OTOA: variants seen among roughly 807,000 people sequenced by gnomAD.
The protein encoded by OTOA is cancer/testis antigen 108.
In OTOA, 70 loss-of-function variants were observed where a neutral mutation model predicts 110.8. The observed-to-expected ratio is 0.63, with a 90% CI of 0.52 to 0.77. The LOEUF is 0.77. OTOA is among the 30% of genes least tolerant of loss of function. The probability of loss-of-function intolerance (pLI) is 0.00; values close to 1 mark genes in which losing one functional copy is unlikely to be tolerated. For synonymous variants in OTOA, 373 were observed against 431.5 expected (o/e 0.86, Z 1.68); for missense variants, 917 against 1,075.8 (o/e 0.85, Z 2.06).
chr16:21,706,230 CCTT>C (rs1227474370), intron 12 of OTOA, among the ~76,000 whole-genome samples: 6 of 152,214 alleles, frequency 3.9e-5, no homozygotes, highest in African/African-American at 1.4e-4. Flanking sequence ...TCTTCTTCCT[CCTT>C]CTTCCCTTGG....
In OTOA at chr16:21,685,242, A is replaced by G; in HGVS notation, c.280A>G (p.Asn94Asp). 6.2e-7 allele frequency: 1 copy of G among 1,612,436 alleles called. No individual in the cohort carries two copies. Among genetic ancestry groups the G allele is most frequent in the Non-Finnish European group, 8.5e-7 (1 of 1,178,946 alleles). The change falls in exon 7 of 29, where the codon AAC becomes GAC. Residue 94 changes from asparagine (N) to aspartate (D), a missense_variant. This residue lies in a region of OTOA where 840 missense variants were observed against 910.2 expected (regional missense o/e 0.92). Transcript: ENST00000646100. ...ACCCCAAATACAGGCAGCCGTGGAA[A>G]ACCACCTGGAGCAGCGTCTGCACCA... Reference protein sequence around the residue: ...TIPSLQAAVENHLEQRLHQPQ... With the variant: ...TIPSLQAAVEDHLEQRLHQPQ...
At chr16:21,686,244 G>T (rs763567554) in intron 7 of OTOA, among the ~76,000 whole-genome samples, 1 of 151,644 alleles carries the variant, frequency 6.6e-6, no homozygotes, top group African/African-American at 2.4e-5. Flanking sequence ...TGATGCGTTT[G>T]CTCCAAGCTT....
At chr16:21,718,694 A>G (rs1263076223) in intron 15 of OTOA, among the ~76,000 whole-genome samples, 1 of 152,176 alleles carries the variant, frequency 6.6e-6, no homozygotes, top group Non-Finnish European at 1.5e-5. Flanking sequence ...AAGACAGTGC[A>G]TGCTGCTAGC....
chr16:21,718,298 T>G (rs1394342178), intron 15 of OTOA, among the ~76,000 whole-genome samples: 1 of 152,128 alleles, frequency 6.6e-6, no homozygotes, highest in Non-Finnish European at 1.5e-5. Context: ...CACCGAAGAC[T>G]TCAAGATACT....
At position 21,719,177 on chromosome 16, in the gene OTOA, T is replaced by C; in HGVS notation, c.1674T>C (p.Pro558=). Residue 558 remains proline (P), a synonymous_variant, in exon 16 of 29, where the codon CCT becomes CCC. Transcript: ENST00000646100. ...TTCTGTTAAAGACCACCAGAAGGCCTGAGGAGCTTTTGAGGTAGGAAAATG... is the reference window on the plus strand; with the variant it reads ...TTCTGTTAAAGACCACCAGAAGGCCCGAGGAGCTTTTGAGGTAGGAAAATG... ...YELLLKTTRR[P]EELLSAGQLV... 1.2e-6 allele frequency: 2 copies of C among 1,614,144 alleles called. No homozygotes were observed. The highest frequency in any genetic ancestry group is 1.7e-6 in the Non-Finnish European group (2 of 1,180,032).
intron 28 of OTOA, among the ~76,000 whole-genome samples, chr16:21,758,546 C>A (rs1178832127): frequency 6.7e-6 from 1 of 149,276 alleles, no homozygotes; most frequent in Non-Finnish European, 1.5e-5. Flanking sequence ...TTGACTAAAA[C>A]CTCCACTCCA....
At position 21,687,424 on chromosome 16, in the gene OTOA, C is replaced by T; in HGVS notation, c.411C>T (p.Asp137=). 6.2e-7 allele frequency: 1 copy of T among 1,613,960 alleles called. No individual in the cohort carries two copies. The highest frequency in any genetic ancestry group is 1.1e-5 in the South Asian group (1 of 91,078). The change falls in exon 8 of 29, where the codon GAC becomes GAT. Residue 137 remains aspartate, a synonymous_variant. Transcript: ENST00000646100. ...TGTCATTGCTTTAGGACCTGAAAGACATCATCATCGACTTAGGAGAGATTC... is the reference window on the plus strand; with the variant it reads ...TGTCATTGCTTTAGGACCTGAAAGATATCATCATCGACTTAGGAGAGATTC... ...EDKKDGLDLK[D]IIIDLGEIRE... is the part of the protein sequence containing the mutation.
At chr16:21,706,913 C>T (rs1221736544) in intron 12 of OTOA, among the ~76,000 whole-genome samples, 6 of 144,962 alleles carry the variant, frequency 4.1e-5, no homozygotes, top group Middle Eastern at 3.9e-3. Flanking sequence ...AATCTCAGCT[C>T]ACTGCAACCT....
rs1365318388 is a variant in OTOA, at chr16:21,719,157, T to C, written c.1654T>C (p.Leu552=). ...GGCTCTGTTCCTGTATGAGCTTCTGTTAAAGACCACCAGAAGGCCTGAGGA... is the reference window on the plus strand; with the variant it reads ...GGCTCTGTTCCTGTATGAGCTTCTGCTAAAGACCACCAGAAGGCCTGAGGA... ...SQALFLYELL[L]KTTRRPEELL... is the part of the protein sequence containing the mutation. The change falls in exon 16 of 29, where the codon TTA becomes CTA. Residue 552 remains leucine (L), a synonymous_variant. Coordinates refer to ENST00000646100, the MANE Select transcript of OTOA (RefSeq NM_144672.4). The C allele has an allele frequency of 1.4e-5, 22 of 1,613,854 alleles. No homozygotes were observed. Among genetic ancestry groups the C allele is most frequent in the African/African-American group, 2.7e-5 (2 of 74,902 alleles).
chr16:21,678,101 G>T (rs747661979), intron 1 of OTOA, among the ~76,000 whole-genome samples: 8 of 151,808 alleles, frequency 5.3e-5, no homozygotes, highest in Non-Finnish European at 1.0e-4. Context: ...GGCCAGGCTG[G>T]TCTCGAACTC....
intron 1 of OTOA, among the ~76,000 whole-genome samples, chr16:21,669,058 G>T (rs1455233453): frequency 2.0e-5 from 3 of 151,798 alleles, no homozygotes; most frequent in Admixed American, 2.0e-4. Context: ...TGACTATCTG[G>T]GGCCGGGTGC....
At chr16:21,758,869 G>A (rs459563) in intron 28 of OTOA, among the ~76,000 whole-genome samples, 1,650 of 148,918 alleles carry the variant, frequency 0.011, 13 homozygotes, top group African/African-American at 0.016. Flanking sequence ...GGGTGTGGTG[G>A]GGGGCACCTG....
rs149946800 is a variant in OTOA, at chr16:21,714,792, G to T, written c.1321-193G>T. On this transcript the variant is annotated intron_variant, in intron 13 of 28. Transcript: ENST00000646100. ...CTCAAAGTGCTGGGATTACAGGCGT[G>T]AGCCACCATGCCTGGCCAACTCTCT... Among the ~76,000 whole-genome samples the T allele has an allele frequency of 1.2e-3, 187 of 152,248 alleles. 3 individuals carry two copies. Among genetic ancestry groups the T allele is most frequent in the Admixed American group, 3.4e-3 (52 of 15,282 alleles).
intron 18 of OTOA, among the ~76,000 whole-genome samples, chr16:21,724,966 C>T (rs1456559756): frequency 1.3e-5 from 2 of 151,830 alleles, no homozygotes; most frequent in Admixed American, 6.6e-5. Flanking sequence ...TTGGTAGAGA[C>T]AGGGTTTCAC....
intron 6 of OTOA, chr16:21,684,529 A>G: frequency 6.4e-7 from 1 of 1,550,934 alleles, no homozygotes; most frequent in Non-Finnish European, 8.7e-7. Context: ...GCTGATGGGA[A>G]ACTCAATCAC....
intron 1 of OTOA, among the ~76,000 whole-genome samples, chr16:21,665,612 G>A (rs1966839360): frequency 6.6e-6 from 1 of 152,098 alleles, no homozygotes; most frequent in African/African-American, 2.4e-5. Context: ...AGGAGGGTTT[G>A]GTGTGATGCC....
At chr16:21,721,232 T>TACACACACAC (rs35961471) in intron 17 of OTOA, 23 of 372,490 alleles carry the variant, frequency 6.2e-5, no homozygotes, top group Admixed American at 3.7e-4. Context: ...ACATAATTAT[T>TACACACACAC]ACACACACAC....
At chr16:21,752,915 GAATGAT>G (rs1177580724) in intron 26 of OTOA, 106 bp from the exon 27 acceptor site, 1 of 852,668 alleles carries the variant, frequency 1.2e-6, no homozygotes, top group East Asian at 2.6e-5. Context: ...CTTTTGTAAG[GAATGAT>G]GCCTGCCTAG....
intron 6 of OTOA, chr16:21,684,432 G>T (rs1178108670): frequency 1.3e-6 from 2 of 1,533,018 alleles, no homozygotes; most frequent in South Asian, 1.2e-5. Flanking sequence ...TGTTCATTTC[G>T]CCTGTATTTT....
Sources: allele counts gnomAD v4.1 joint callset (sites outside exome capture counted in the v4.1 genomes callset), GRCh38; gene constraint gnomAD v4.1.1; regional missense constraint gnomAD v4.1.1; transcripts MANE v1.5; gene names NCBI Gene and HGNC (gene_info 2026-07-23, HGNC 2026-07-21).